Variants in FGF10 observed in about 807,000 individuals in gnomAD.
FGF10 encodes the protein fibroblast growth factor 10, also known as FGF-10.
A neutral mutation model predicts 19.8 loss-of-function variants in FGF10; 2 were observed. The ratio of observed to expected loss-of-function variants is 0.10; its 90% confidence interval spans 0.04 to 0.32. The LOEUF (loss-of-function observed/expected upper bound fraction) is 0.32. Ranked by LOEUF, FGF10 falls within the 10% of genes least tolerant of loss-of-function variation. The pLI, the probability that FGF10 is intolerant of heterozygous loss-of-function variation, is 1.00. For missense variants in FGF10, 191 were observed against 246.3 expected (o/e 0.78, Z 1.50); for synonymous variants, 112 against 94.0 (o/e 1.19, Z -1.10).
intron 1 of FGF10, among the ~76,000 whole-genome samples, chr5:44,330,234 A>G (rs1386361251): frequency 3.3e-5 from 5 of 152,208 alleles, no homozygotes; most frequent in Non-Finnish European, 5.9e-5. Context: ...CTTTCTCAAC[A>G]TATGGCTTAT....
intron 1 of FGF10, among the ~76,000 whole-genome samples, chr5:44,321,183 AC>A (rs1433362894): frequency 6.6e-6 from 1 of 152,144 alleles, no homozygotes; most frequent in Non-Finnish European, 1.5e-5. Context: ...TCATGAACTT[AC>A]AGAAGAGGCT....
chr5:44,338,146 T>C (rs1740894281), intron 1 of FGF10, among the ~76,000 whole-genome samples: 1 of 152,152 alleles, frequency 6.6e-6, no homozygotes, highest in Non-Finnish European at 1.5e-5. Context: ...AGCTTTAAAT[T>C]TGATATTTTA....
At chr5:44,314,140 G>A (rs1167149276) in intron 1 of FGF10, among the ~76,000 whole-genome samples, 1 of 152,022 alleles carries the variant, frequency 6.6e-6, no homozygotes, top group African/African-American at 2.4e-5. Context: ...GGGTGGGAAG[G>A]CAAGAGCAAA....
chr5:44,373,519 T>A (rs139619390), intron 1 of FGF10, among the ~76,000 whole-genome samples: 1 of 152,206 alleles, frequency 6.6e-6, no homozygotes, highest in Non-Finnish European at 1.5e-5. Context: ...TTTCCTCAGC[T>A]AAATATCCAA....
intron 1 of FGF10, among the ~76,000 whole-genome samples, chr5:44,358,108 T>C (rs1579930448): frequency 6.6e-6 from 1 of 151,488 alleles, no homozygotes. Context: ...AAGAATATTA[T>C]ACATAAGAAC....
At chr5:44,367,878 T>C (rs1741655535) in intron 1 of FGF10, among the ~76,000 whole-genome samples, 1 of 151,366 alleles carries the variant, frequency 6.6e-6, no homozygotes, top group Non-Finnish European at 1.5e-5. Context: ...GTTTTTTAAA[T>C]GTAATGTGCT....
chr5:44,362,556 T>C (rs1741515557), intron 1 of FGF10, among the ~76,000 whole-genome samples: 1 of 151,738 alleles, frequency 6.6e-6, no homozygotes, highest in African/African-American at 2.4e-5. Flanking sequence ...TCACAGGAGC[T>C]AGTCCTGTAT....
chr5:44,304,187 G>T lies in FGF10; in HGVS notation c.*808C>A, dbSNP rs887351224. 6.6e-6 allele frequency: 1 copy of T among 152,088 alleles called. No homozygotes were observed. Among genetic ancestry groups the T allele is most frequent in the East Asian group, 1.9e-4 (1 of 5,182 alleles). 9.4% of individuals were successfully genotyped at this position (152,088 alleles called of 1,614,324 possible). ...AATTAAGTCAACTGATAGCACACGG[G>T]CACTCATACTGCTTCCCTAATCCCA... On this transcript the variant is annotated 3_prime_UTR_variant, in exon 3 of 3. Coordinates refer to ENST00000264664, the MANE Select transcript of FGF10 (RefSeq NM_004465.2).
intron 1 of FGF10, among the ~76,000 whole-genome samples, chr5:44,379,822 G>T (rs1300331980): frequency 1.3e-5 from 2 of 152,090 alleles, no homozygotes; most frequent in African/African-American, 4.8e-5. Context: ...CTCCAGCAAA[G>T]CATCTCCTCC....
At chr5:44,388,088 G>C (rs995522084) in intron 1 of FGF10, among the ~76,000 whole-genome samples, 1 of 151,794 alleles carries the variant, frequency 6.6e-6, no homozygotes, top group Non-Finnish European at 1.5e-5. Flanking sequence ...CGCCCTGCGT[G>C]GTCCGGCTAG....
At position 44,339,436 on chromosome 5, in the gene FGF10, TA is replaced by T. The variant is rs536410847; in HGVS notation, c.326-28907del. Among the ~76,000 whole-genome samples the T allele has an allele frequency of 2.6e-3, 402 of 152,260 alleles. 3 individuals carry two copies. The highest frequency in any genetic ancestry group is 1.9e-3 in the Non-Finnish European group (127 of 68,002). ...AGGACAAGAGAAAAACCCCACAAAT[TA>T]AAAAAACTTTTAGCATAAGGCGTTC... On this transcript the variant is annotated intron_variant, in intron 1 of 2. Coordinates refer to ENST00000264664, the MANE Select transcript of FGF10 (RefSeq NM_004465.2).
chr5:44,357,969 C>T (rs1741386022), intron 1 of FGF10, among the ~76,000 whole-genome samples: 1 of 151,306 alleles, frequency 6.6e-6, no homozygotes, highest in South Asian at 2.1e-4. Context: ...GAGTTCGTGC[C>T]AGGTAAAGTA....
At chr5:44,379,472 G>A (rs1171949605) in intron 1 of FGF10, among the ~76,000 whole-genome samples, 2 of 152,026 alleles carry the variant, frequency 1.3e-5, no homozygotes, top group African/African-American at 2.4e-5. Flanking sequence ...CTCTTACCTC[G>A]CAGTTTGCCT....
In FGF10 at chr5:44,371,547, C is replaced by A. The variant is rs574900412; in HGVS notation, c.325+16811G>T. Among the ~76,000 whole-genome samples the A allele has an allele frequency of 5.3e-5, 8 of 152,120 alleles. No homozygotes were observed. The South Asian group carries it at 1.7e-3, about 32-fold the overall frequency. ...TTAGCGCCTATCTTCAGAAAAGGGGCTTTTGGGCCAGGTTAATGGAAACCC... is the reference window on the plus strand; with the variant it reads ...TTAGCGCCTATCTTCAGAAAAGGGGATTTTGGGCCAGGTTAATGGAAACCC... On this transcript the variant is annotated intron_variant, in intron 1 of 2. Transcript: ENST00000264664.
At chr5:44,359,036 C>A (rs1257939339) in intron 1 of FGF10, among the ~76,000 whole-genome samples, 2 of 151,482 alleles carry the variant, frequency 1.3e-5, no homozygotes, top group Non-Finnish European at 3.0e-5. Flanking sequence ...CCTTGGCATA[C>A]ACAATGGCTC....
intron 1 of FGF10, among the ~76,000 whole-genome samples, chr5:44,319,313 G>T (rs1740427617): frequency 6.6e-6 from 1 of 152,082 alleles, no homozygotes; most frequent in South Asian, 2.1e-4. Flanking sequence ...TTACCCTAAA[G>T]ACATTGCTAT....
chr5:44,350,649 G>A (rs1338953649), intron 1 of FGF10, among the ~76,000 whole-genome samples: 2 of 150,460 alleles, frequency 1.3e-5, no homozygotes, highest in African/African-American at 4.9e-5. Context: ...TATTATTGCT[G>A]TGTATTATTT....
intron 1 of FGF10, among the ~76,000 whole-genome samples, chr5:44,350,651 G>A (rs1282778896): frequency 6.7e-6 from 1 of 150,138 alleles, no homozygotes; most frequent in Non-Finnish European, 1.5e-5. Context: ...TTATTGCTGT[G>A]TATTATTTTA....
At chr5:44,364,186 A>C (rs1741552786) in intron 1 of FGF10, among the ~76,000 whole-genome samples, 1 of 151,868 alleles carries the variant, frequency 6.6e-6, no homozygotes, top group Non-Finnish European at 1.5e-5. Context: ...TTTAAAGCAA[A>C]AGTGGAAAAT....
Sources: gnomAD v4.1 joint callset for allele counts (sites outside exome capture counted in the v4.1 genomes callset) on GRCh38, gnomAD v4.1.1 for gene constraint, MANE v1.5 for transcripts, NCBI Gene and HGNC (gene_info 2026-07-23, HGNC 2026-07-21) for gene names.